GNG7: variants seen among roughly 807,000 people sequenced by gnomAD.
GNG7 encodes G protein subunit gamma 7.
A neutral mutation model predicts 4.0 loss-of-function variants in GNG7; 1 was observed. That is an observed-to-expected ratio of 0.25 (90% confidence interval 0.09 to 1.18). The LOEUF is 1.18. GNG7 is among the 50% of genes most tolerant of loss of function. The probability of loss-of-function intolerance (pLI) is 0.50; values close to 1 mark genes in which losing one functional copy is unlikely to be tolerated. For missense variants in GNG7, 86 were observed against 91.9 expected, an observed-to-expected ratio of 0.94 and a Z score of 0.26; for synonymous variants, 34 against 36.9, an observed-to-expected ratio of 0.92 and a Z score of 0.29.
intron 3 of GNG7, among the ~76,000 whole-genome samples, chr19:2,554,543 C>CTATATA (rs1442355190): frequency 5.5e-4 from 75 of 136,822 alleles, no homozygotes; most frequent in African/African-American, 2.1e-3. Context: ...AATATATATG[C>CTATATA]TATATATATA....
chr19:2,642,797 A>T (rs1297239928), intron 2 of GNG7: 2 of 456,774 alleles, frequency 4.4e-6, no homozygotes, highest in Non-Finnish European at 4.4e-6. Context: ...CCCGGCCAGA[A>T]CTGAATGTTT....
intron 1 of GNG7, among the ~76,000 whole-genome samples, chr19:2,670,413 G>A (rs956728292): frequency 2.6e-5 from 4 of 152,186 alleles, no homozygotes; most frequent in Admixed American, 6.5e-5. Flanking sequence ...TGAGGCCTGC[G>A]CTCCCAGCGC....
chr19:2,558,031 G>C (rs745703937), intron 2 of GNG7, among the ~76,000 whole-genome samples: 3 of 151,912 alleles, frequency 2.0e-5, no homozygotes, highest in Admixed American at 6.6e-5. Context: ...TTAGTAGAGA[G>C]GGGGTTTCAC....
At chr19:2,558,369 TGA>T (rs1003414005) in intron 2 of GNG7, among the ~76,000 whole-genome samples, 2 of 151,828 alleles carry the variant, frequency 1.3e-5, no homozygotes, top group African/African-American at 4.8e-5. Flanking sequence ...CCTGAGTAGC[TGA>T]GACTACAGCC....
chr19:2,673,277 A>AAAAAAAAAAAAAAAAAAAAAAC (rs1983510033), intron 1 of GNG7, among the ~76,000 whole-genome samples: 2 of 148,174 alleles, frequency 1.3e-5, no homozygotes, highest in Non-Finnish European at 3.0e-5. Flanking sequence ...ACAAAACAAA[A>AAAAAAAAAAAAAAAAAAAAAAC]CAAAACAAAA....
At chr19:2,555,719 C>A (rs983812992) in intron 2 of GNG7, among the ~76,000 whole-genome samples, 1 of 152,036 alleles carries the variant, frequency 6.6e-6, no homozygotes, top group African/African-American at 2.4e-5. Flanking sequence ...TCATGTGAGC[C>A]GCCCAGGGCC....
At position 2,549,292 on chromosome 19, in the gene GNG7, T is replaced by TG. The variant is rs1313116024; in HGVS notation, c.-38+5856dup. On this transcript the variant is annotated intron_variant, in intron 3 of 4. Transcript: ENST00000382159. ...TGCACGGAGGGCTTAAACAGGGCTG[T>TG]GTTTTTTTTTTTTTCTTTTAGATGG... is the stretch of plus-strand genomic sequence containing the variant. 1.5e-4 allele frequency among the ~76,000 whole-genome samples: 17 copies of TG among 113,794 alleles called. No homozygotes were observed. The South Asian group carries it at 4.3e-3, about 29-fold the overall frequency. 74.7% of individuals were successfully genotyped at this position (113,794 alleles called of 152,430 possible). A position where few individuals can be genotyped will look rare whatever the true frequency, so the allele number is the denominator to read the frequency against.
chr19:2,595,136 T>C (rs1272999863), intron 2 of GNG7: 1 of 149,288 alleles, frequency 6.7e-6, no homozygotes, highest in Non-Finnish European at 1.5e-5. Context: ...AATTAAATTT[T>C]TTTTTTTTTG....
intron 1 of GNG7, among the ~76,000 whole-genome samples, chr19:2,697,787 C>T (rs1050569400): frequency 9.0e-6 from 1 of 111,630 alleles, no homozygotes; most frequent in African/African-American, 6.0e-5. Context: ...AGGGCCCCGT[C>T]CCCCCCCCCG....
chr19:2,614,652 G>C lies in GNG7; in HGVS notation c.-78+31572C>G, dbSNP rs555702816. Reference sequence around the variant, plus strand: ...TCGTTCACGGCTGAGTCTCGTTCCAGTGTGTGGAGGGCCACGCTGTTTATC... The same window carrying C: ...TCGTTCACGGCTGAGTCTCGTTCCACTGTGTGGAGGGCCACGCTGTTTATC... On this transcript the variant is annotated intron_variant, in intron 2 of 4. Coordinates refer to ENST00000382159, the MANE Select transcript of GNG7 (RefSeq NM_052847.3). The surrounding 1 kb of genome is among the most constrained non-coding windows in gnomAD (Gnocchi z 6.0). Among the ~76,000 whole-genome samples, 1 of 152,340 alleles carries C rather than the reference G, an allele frequency of 6.6e-6. No individual in the cohort carries two copies. The highest frequency in any genetic ancestry group is 2.1e-4 in the South Asian group (1 of 4,828).
At chr19:2,562,233 C>T (rs1230162594) in intron 2 of GNG7, among the ~76,000 whole-genome samples, 2 of 152,108 alleles carry the variant, frequency 1.3e-5, no homozygotes, top group Admixed American at 6.6e-5. Flanking sequence ...CCCACCTGCT[C>T]AGCCCCAGGA....
chr19:2,648,600 G>T (rs937742146), intron 1 of GNG7, among the ~76,000 whole-genome samples: 1 of 152,198 alleles, frequency 6.6e-6, no homozygotes, highest in Non-Finnish European at 1.5e-5. Flanking sequence ...TCAATAAAAG[G>T]TAGGGATAGG....
At chr19:2,572,320 AT>A (rs1205698626) in intron 2 of GNG7, among the ~76,000 whole-genome samples, 2 of 151,806 alleles carry the variant, frequency 1.3e-5, no homozygotes, top group African/African-American at 2.4e-5. Context: ...TGCTTGCTTA[AT>A]TTTTTTGTTT....
Position 2,599,044 on chromosome 19 carries a change from C to T in GNG7, c.-77-43856G>A, listed in dbSNP as rs560697870. Among the ~76,000 whole-genome samples, 618 of 152,282 alleles carry T rather than the reference C, an allele frequency of 4.1e-3. 3 individuals carry two copies. Among genetic ancestry groups the T allele is most frequent in the African/African-American group, 0.014 (595 of 41,576 alleles). On this transcript the variant is annotated intron_variant, in intron 2 of 4. Coordinates refer to ENST00000382159, the MANE Select transcript of GNG7 (RefSeq NM_052847.3). The stretch of plus-strand genomic sequence containing the variant: ...AAGAGGGGGAGAGGCGGGCACGAGG[C>T]GAAGCGGGTGCCCCGCGCTCGGCTG...
intron 2 of GNG7, among the ~76,000 whole-genome samples, chr19:2,607,561 G>GAAA (rs1190149475): frequency 5.3e-5 from 2 of 37,724 alleles, no homozygotes; most frequent in African/African-American, 2.3e-4. Context: ...GACTAAAATG[G>GAAA]TAAAAAAAAA....
chr19:2,567,761 C>G (rs894781692), intron 2 of GNG7, among the ~76,000 whole-genome samples: 3 of 152,138 alleles, frequency 2.0e-5, no homozygotes, highest in African/African-American at 7.2e-5. Flanking sequence ...AGGAAAAGCT[C>G]GCTGCCTTGT....
At chr19:2,528,526 CA>C (rs1261900762) in intron 3 of GNG7, among the ~76,000 whole-genome samples, 3 of 147,310 alleles carry the variant, frequency 2.0e-5, no homozygotes, top group African/African-American at 7.5e-5. Flanking sequence ...AAAGTAAATA[CA>C]GGGGTGTTTC....
intron 1 of GNG7, among the ~76,000 whole-genome samples, chr19:2,656,039 A>C (rs1171007197): frequency 1.1e-4 from 12 of 111,990 alleles, no homozygotes; most frequent in African/African-American, 4.8e-4. Flanking sequence ...CAAAAAAAAA[A>C]AAAAGAAAGA....
At chr19:2,673,161 C>T (rs1983502222) in intron 1 of GNG7, among the ~76,000 whole-genome samples, 1 of 151,416 alleles carries the variant, frequency 6.6e-6, no homozygotes, top group Admixed American at 6.6e-5. Context: ...GGAGGGTGAG[C>T]CAGGAGAATG....
Sources: allele counts gnomAD v4.1 joint callset (sites outside exome capture counted in the v4.1 genomes callset), GRCh38; gene constraint gnomAD v4.1.1; non-coding constraint Gnocchi (gnomAD v3.1); transcripts MANE v1.5; gene names NCBI Gene and HGNC (gene_info 2026-07-23, HGNC 2026-07-21).